COMMD1: variants seen among roughly 807,000 people sequenced by gnomAD.
COMMD1 encodes the protein copper metabolism domain containing 1.
A neutral mutation model predicts 17.2 loss-of-function variants in COMMD1; 10 were observed. The observed-to-expected ratio is 0.58, with a 90% CI of 0.36 to 0.99. COMMD1 has a LOEUF of 0.99. Ranked by LOEUF, COMMD1 falls within the 50% of genes least tolerant of loss-of-function variation. The probability of loss-of-function intolerance (pLI) is 0.01; values close to 1 mark genes in which losing one functional copy is unlikely to be tolerated. For missense variants in COMMD1, 270 were observed against 231.8 expected (o/e 1.17, Z -1.07); for synonymous variants, 97 against 91.6 (o/e 1.06, Z -0.34).
At chr2:61,898,499 G>A (rs564142399) in intron 1 of COMMD1, among the ~76,000 whole-genome samples, 3 of 152,032 alleles carry the variant, frequency 2.0e-5, no homozygotes, top group African/African-American at 7.2e-5. Flanking sequence ...CTGTTGAGTG[G>A]CCAGTTGAGC....
At chr2:61,988,079 A>G (rs1197114283) in intron 1 of COMMD1, among the ~76,000 whole-genome samples, 3 of 152,216 alleles carry the variant, frequency 2.0e-5, no homozygotes, top group Non-Finnish European at 4.4e-5. Flanking sequence ...TTTCTGGGCC[A>G]GGATAGGTCC....
chr2:62,013,371 T>C (rs941939461), intron 2 of COMMD1, among the ~76,000 whole-genome samples: 11 of 152,162 alleles, frequency 7.2e-5, no homozygotes, highest in Non-Finnish European at 2.9e-5. Flanking sequence ...CTCCAAAAAA[T>C]AGTAGAAATG....
chr2:62,039,450 A>G (rs1174667558), intron 2 of COMMD1, among the ~76,000 whole-genome samples: 1 of 152,230 alleles, frequency 6.6e-6, no homozygotes, highest in Admixed American at 6.5e-5. Context: ...AACTTGACTC[A>G]GAGAGGAAGT....
chr2:61,905,369 A>T (rs1318490696), upstream of COMMD1, among the ~76,000 whole-genome samples: 1 of 152,236 alleles, frequency 6.6e-6, no homozygotes, highest in African/African-American at 2.4e-5. Flanking sequence ...TGCCAAACTT[A>T]TAGGCTGCTA....
intron 2 of COMMD1, among the ~76,000 whole-genome samples, chr2:62,020,392 C>CT (rs1669579215): frequency 6.6e-6 from 1 of 152,188 alleles, no homozygotes; most frequent in South Asian, 2.1e-4. Context: ...TTTCCACACT[C>CT]TGAGTTTTCT....
At chr2:61,998,211 C>CCTT (rs1383044268) in intron 1 of COMMD1, among the ~76,000 whole-genome samples, 1 of 151,302 alleles carries the variant, frequency 6.6e-6, no homozygotes, top group Non-Finnish European at 1.5e-5. Flanking sequence ...ACCACCAAAA[C>CCTT]CTTCTCCATA....
chr2:62,019,878 G>T (rs1005995092), intron 2 of COMMD1, among the ~76,000 whole-genome samples: 1 of 152,116 alleles, frequency 6.6e-6, no homozygotes, highest in African/African-American at 2.4e-5. Flanking sequence ...GGGAAGATTG[G>T]CTCTACATTT....
At chr2:62,030,600 C>G (rs1454237514) in intron 2 of COMMD1, among the ~76,000 whole-genome samples, 1 of 152,138 alleles carries the variant, frequency 6.6e-6, no homozygotes, top group Admixed American at 6.5e-5. Flanking sequence ...TGATGAGATT[C>G]AGGTTCATTT....
intron 2 of COMMD1, among the ~76,000 whole-genome samples, chr2:62,023,986 G>A (rs1307421101): frequency 6.6e-6 from 1 of 152,164 alleles, no homozygotes; most frequent in Non-Finnish European, 1.5e-5. Flanking sequence ...GGAAGTAAAA[G>A]CAAGATACAG....
chr2:62,058,347 A>T (rs567287870), intron 2 of COMMD1, among the ~76,000 whole-genome samples: 14 of 152,314 alleles, frequency 9.2e-5, no homozygotes, highest in East Asian at 3.9e-4. Context: ...AGAGATTTTT[A>T]AAAAATCTGT....
chr2:61,975,895 G>T (rs1252231958), intron 1 of COMMD1, among the ~76,000 whole-genome samples: 1 of 152,118 alleles, frequency 6.6e-6, no homozygotes, highest in Non-Finnish European at 1.5e-5. Flanking sequence ...AATGTGGTCT[G>T]TCTTGGTCGT....
chr2:61,999,799 C>G (rs1352499092), intron 1 of COMMD1, among the ~76,000 whole-genome samples: 1 of 152,000 alleles, frequency 6.6e-6, no homozygotes, highest in Non-Finnish European at 1.5e-5. Context: ...AAATTATATT[C>G]TAGTTATTGA....
At chr2:62,044,929 C>T (rs1670338607) in intron 2 of COMMD1, among the ~76,000 whole-genome samples, 1 of 151,654 alleles carries the variant, frequency 6.6e-6, no homozygotes, top group African/African-American at 2.4e-5. Context: ...ATCTGTGTTA[C>T]AGACATTGGG....
chr2:61,958,734 T>C (rs1382711784), intron 1 of COMMD1, among the ~76,000 whole-genome samples: 1 of 152,192 alleles, frequency 6.6e-6, no homozygotes, highest in African/African-American at 2.4e-5. Context: ...TAAATTTATA[T>C]ATTTTTATGT....
chr2:61,905,605 A>T, upstream of COMMD1: 1 of 1,405,156 alleles, frequency 7.1e-7, no homozygotes, highest in Non-Finnish European at 9.4e-7. Flanking sequence ...GGTTTTGCAC[A>T]GGCTATTTAG....
intron 2 of COMMD1, among the ~76,000 whole-genome samples, chr2:62,021,755 C>G (rs944346452): frequency 2.6e-5 from 4 of 152,146 alleles, no homozygotes; most frequent in Non-Finnish European, 4.4e-5. Flanking sequence ...TAACTTTGCC[C>G]TGTATAACCA....
chr2:62,132,747 G>C (rs1420765835), intron 2 of COMMD1, among the ~76,000 whole-genome samples: 4 of 152,104 alleles, frequency 2.6e-5, no homozygotes, highest in African/African-American at 9.7e-5. Context: ...CACTCAGGAG[G>C]CTGAGGCAGG....
chr2:62,114,000 G>C lies in COMMD1; in HGVS notation c.463-21831G>C, dbSNP rs1346107253. 5.3e-5 allele frequency among the ~76,000 whole-genome samples: 8 copies of C among 152,176 alleles called. No individual in the cohort carries two copies. The East Asian group carries it at 1.5e-3, about 29-fold the overall frequency. ...GAGGATACAATTTTCCGTTAGCTTT[G>C]CAGGAGGCCTGTCCTCTCAGTTTGA... On this transcript the variant is annotated intron_variant, in intron 2 of 2. Coordinates refer to ENST00000311832, the MANE Select transcript of COMMD1 (RefSeq NM_152516.4).
intron 1 of COMMD1, among the ~76,000 whole-genome samples, chr2:61,963,027 G>A (rs957805567): frequency 1.3e-5 from 2 of 151,670 alleles, no homozygotes; most frequent in African/African-American, 4.8e-5. Flanking sequence ...GGGTGTGGTG[G>A]CACGCACCTA....
Sources: gnomAD v4.1 joint callset for allele counts (sites outside exome capture counted in the v4.1 genomes callset) on GRCh38, gnomAD v4.1.1 for gene constraint, MANE v1.5 for transcripts, NCBI Gene and HGNC (gene_info 2026-07-23, HGNC 2026-07-21) for gene names.